MDFIC2: variants seen among roughly 807,000 people sequenced by gnomAD.
MDFIC2 encodes myoD family inhibitor domain-containing protein 2.
At chr3:70,297,534 T>G (rs564160516) in intron 2 of MDFIC2, among the ~76,000 whole-genome samples, 11 of 152,132 alleles carry the variant, frequency 7.2e-5, no homozygotes, top group Admixed American at 6.6e-5. Flanking sequence ...GAAGGCTTAT[T>G]ATTGCATATG....
intron 2 of MDFIC2, among the ~76,000 whole-genome samples, chr3:70,286,039 C>G (rs1295326916): frequency 6.6e-6 from 1 of 151,994 alleles, no homozygotes; most frequent in Non-Finnish European, 1.5e-5. Flanking sequence ...GTTTCTTTTG[C>G]TGTGCAGAAG....
chr3:70,209,444 C>G (rs2106726905), intron 2 of MDFIC2, among the ~76,000 whole-genome samples: 1 of 152,108 alleles, frequency 6.6e-6, no homozygotes, highest in African/African-American at 2.4e-5. Flanking sequence ...GCTTATATAC[C>G]TTATTGAACT....
chr3:70,246,517 C>T (rs913188610), intron 2 of MDFIC2, among the ~76,000 whole-genome samples: 1 of 151,980 alleles, frequency 6.6e-6, no homozygotes, highest in Non-Finnish European at 1.5e-5. Flanking sequence ...ACTTATCAAA[C>T]AGAAACACGA....
At chr3:70,226,630 C>T (rs531470097) in intron 2 of MDFIC2, among the ~76,000 whole-genome samples, 72 of 150,462 alleles carry the variant, frequency 4.8e-4, no homozygotes, top group African/African-American at 1.7e-3. Context: ...CCCAGCTTCT[C>T]GGGAGGCTGA....
At chr3:70,280,065 C>A (rs1702065556) in intron 2 of MDFIC2, among the ~76,000 whole-genome samples, 1 of 152,170 alleles carries the variant, frequency 6.6e-6, no homozygotes, top group African/African-American at 2.4e-5. Context: ...AAGGTGTCAG[C>A]AAGGCTGCAC....
chr3:70,309,087 G>C (rs1422362366), intron 2 of MDFIC2, among the ~76,000 whole-genome samples: 1 of 152,100 alleles, frequency 6.6e-6, no homozygotes, highest in Non-Finnish European at 1.5e-5. Flanking sequence ...GAGTGAGGGA[G>C]GTTGGAGGTC....
intron 2 of MDFIC2, among the ~76,000 whole-genome samples, chr3:70,261,430 T>C (rs750730030): frequency 6.6e-5 from 10 of 152,316 alleles, no homozygotes; most frequent in Non-Finnish European, 1.3e-4. Flanking sequence ...GCTGCAGCCA[T>C]CTAGCACTTC....
intron 2 of MDFIC2, among the ~76,000 whole-genome samples, chr3:70,212,439 C>T (rs7626715): frequency 0.022 from 3,422 of 152,154 alleles, 98 homozygotes; most frequent in African/African-American, 0.077. Context: ...TTTCCAGTTC[C>T]CTGGGCTTAA....
At chr3:70,233,532 A>G (rs1701580952) in intron 2 of MDFIC2, among the ~76,000 whole-genome samples, 1 of 152,236 alleles carries the variant, frequency 6.6e-6, no homozygotes, top group South Asian at 2.1e-4. Flanking sequence ...TTTAAAGCAT[A>G]ACATTTGATG....
At chr3:70,212,948 C>A (rs1468065547) in intron 2 of MDFIC2, among the ~76,000 whole-genome samples, 1 of 151,948 alleles carries the variant, frequency 6.6e-6, no homozygotes, top group Non-Finnish European at 1.5e-5. Context: ...CGTGCACCAA[C>A]ACAGCAAGCT....
At chr3:70,286,649 C>T (rs1702167043) in intron 2 of MDFIC2, among the ~76,000 whole-genome samples, 1 of 151,932 alleles carries the variant, frequency 6.6e-6, no homozygotes, top group Non-Finnish European at 1.5e-5. Flanking sequence ...TTACCTTGGG[C>T]AGTGTGGCCA....
intron 2 of MDFIC2, among the ~76,000 whole-genome samples, chr3:70,248,649 A>C (rs1034302607): frequency 1.3e-5 from 2 of 152,178 alleles, no homozygotes; most frequent in African/African-American, 2.4e-5. Flanking sequence ...TCAACAGTAA[A>C]GACAGGAGTT....
intron 2 of MDFIC2, among the ~76,000 whole-genome samples, chr3:70,272,586 G>A (rs1559550697): frequency 6.6e-6 from 1 of 152,140 alleles, no homozygotes; most frequent in Non-Finnish European, 1.5e-5. Flanking sequence ...TCTTTACGTG[G>A]ACATATGTTT....
intron 2 of MDFIC2, among the ~76,000 whole-genome samples, chr3:70,292,555 T>G (rs992818378): frequency 3.9e-5 from 6 of 152,172 alleles, no homozygotes; most frequent in African/African-American, 1.2e-4. Context: ...AAGGATAGTT[T>G]ATAAACTTGT....
chr3:70,296,160 G>C (rs1702287610), intron 2 of MDFIC2, among the ~76,000 whole-genome samples: 1 of 151,920 alleles, frequency 6.6e-6, no homozygotes, highest in Non-Finnish European at 1.5e-5. Context: ...TTTGTAATAA[G>C]ACAAACATAA....
At chr3:70,238,561 A>G (rs1282445588) in intron 2 of MDFIC2, among the ~76,000 whole-genome samples, 2 of 152,144 alleles carry the variant, frequency 1.3e-5, no homozygotes, top group South Asian at 2.1e-4. Flanking sequence ...GCAATGAGCC[A>G]TGATCACACC....
chr3:70,263,594 T>C (rs1701888030), intron 2 of MDFIC2, among the ~76,000 whole-genome samples: 1 of 152,176 alleles, frequency 6.6e-6, no homozygotes, highest in Non-Finnish European at 1.5e-5. Context: ...TTGTCATGCC[T>C]AGCCTCATAG....
intron 2 of MDFIC2, among the ~76,000 whole-genome samples, chr3:70,281,489 A>C (rs1475900114): frequency 2.0e-5 from 3 of 152,158 alleles, no homozygotes; most frequent in Admixed American, 2.0e-4. Context: ...TCTGACATGC[A>C]TTTTCCTTAA....
At chr3:70,251,804 C>T (rs556884511) in intron 2 of MDFIC2, among the ~76,000 whole-genome samples, 33 of 152,250 alleles carry the variant, frequency 2.2e-4, no homozygotes, top group African/African-American at 6.7e-4. Context: ...TGAGTCAAAC[C>T]CTACTGCACC....
Sources: allele counts gnomAD v4.1 joint callset (sites outside exome capture counted in the v4.1 genomes callset), GRCh38; gene constraint gnomAD v4.1.1; transcripts MANE v1.5; gene names NCBI Gene and HGNC (gene_info 2026-07-23, HGNC 2026-07-21).